CFAP69: variants seen among roughly 807,000 people sequenced by gnomAD.
CFAP69 encodes the protein cilia and flagella associated protein 69, also known as cilia- and flagella-associated protein 69.
A neutral mutation model predicts 123.0 loss-of-function variants in CFAP69; 92 were observed. The ratio of observed to expected loss-of-function variants is 0.75; its 90% CI spans 0.63 to 0.89. The LOEUF is 0.89. Among genes scored for constraint, CFAP69 ranks in the 40% least tolerant of loss-of-function variants. CFAP69 has a pLI of 0.00. For missense variants in CFAP69, 1,067 were observed against 1,096.9 expected (o/e 0.97, Z 0.39); for synonymous variants, 380 against 364.3 (o/e 1.04, Z -0.49).
chr7:90,303,550 T>G (rs1793120674), intron 17 of CFAP69: 1 of 957,972 alleles, frequency 1.0e-6, no homozygotes, highest in Non-Finnish European at 1.2e-6. Flanking sequence ...CAATCCATTT[T>G]TATTGTTTCT....
chr7:90,245,269 GC>G lies in CFAP69; in HGVS notation c.-154del. On this transcript the variant is annotated 5_prime_UTR_variant, in exon 1 of 23. The change abolishes the stop of an existing upstream ORF in the 5' untranslated region. Coordinates refer to ENST00000389297, the MANE Select transcript of CFAP69 (RefSeq NM_001039706.3). ...GCGCTAAGCGGACTGTATGGCGGTG[GC>G]CTAGGCCCCTGGCGGAATTTTGGGA... 9.9e-7 allele frequency: 1 copy of G among 1,014,028 alleles called. No individual in the cohort carries two copies. Among genetic ancestry groups the G allele is most frequent in the South Asian group, 2.1e-5 (1 of 48,512 alleles). The allele number at this position is 1,014,028 out of a possible 1,614,324, so 62.8% of individuals were successfully genotyped here. A position where few individuals can be genotyped will look rare whatever the true frequency, so the allele number is the denominator to read the frequency against.
intron 15 of CFAP69, among the ~76,000 whole-genome samples, chr7:90,292,375 T>C (rs1426522189): frequency 6.6e-6 from 1 of 152,186 alleles, no homozygotes; most frequent in East Asian, 1.9e-4. Context: ...ATACAGAGAC[T>C]GTGTAGACAA....
At chr7:90,245,594 T>G in intron 1 of CFAP69, 50 bp downstream of exon 1, 2 of 1,420,600 alleles carry the variant, frequency 1.4e-6, no homozygotes, top group Non-Finnish European at 1.8e-6. Context: ...GGGAGTGAAG[T>G]CTCGAGACGG....
downstream of CFAP69, among the ~76,000 whole-genome samples, chr7:90,314,930 A>G (rs1794649729): frequency 6.6e-6 from 1 of 151,056 alleles, no homozygotes; most frequent in Non-Finnish European, 1.5e-5. Flanking sequence ...GAAAAACATT[A>G]AAAAGTGGGC....
chr7:90,309,944 A>T, intron 22 of CFAP69, 124 bp from the exon 23 acceptor site: 1 of 722,950 alleles, frequency 1.4e-6, no homozygotes, highest in East Asian at 2.6e-5. Context: ...ATTATACCAT[A>T]ACTGCCTCCT....
chr7:90,277,882 A>G (rs1268363345), intron 11 of CFAP69, among the ~76,000 whole-genome samples: 1 of 152,080 alleles, frequency 6.6e-6, no homozygotes, highest in Non-Finnish European at 1.5e-5. Context: ...CCTACTAGCT[A>G]TGTGGCCTTA....
At chr7:90,273,604 A>G (rs1396356451) in intron 8 of CFAP69, among the ~76,000 whole-genome samples, 1 of 152,190 alleles carries the variant, frequency 6.6e-6, no homozygotes, top group Non-Finnish European at 1.5e-5. Context: ...TATTTTCATA[A>G]AAGTGTGTGT....
intron 1 of CFAP69, 114 bp from the exon 2 acceptor site, chr7:90,255,309 G>A (rs1797511338): frequency 1.3e-6 from 1 of 776,230 alleles, no homozygotes; most frequent in Admixed American, 2.2e-5. Flanking sequence ...CTATCGTAGT[G>A]TCATAAAACA....
At chr7:90,304,714 G>T in intron 18 of CFAP69, 30 bp from the exon 19 acceptor site, 1 of 1,590,622 alleles carries the variant, frequency 6.3e-7, no homozygotes. Context: ...CTCTGCTAAA[G>T]TAATTCTGTC....
chr7:90,248,987 G>A (rs893578217), intron 1 of CFAP69, among the ~76,000 whole-genome samples: 3 of 152,128 alleles, frequency 2.0e-5, no homozygotes, highest in Non-Finnish European at 2.9e-5. Context: ...CCCATAAATG[G>A]TAACTTTCTG....
At chr7:90,264,713 C>A (rs541366164) in intron 4 of CFAP69, among the ~76,000 whole-genome samples, 4 of 152,132 alleles carry the variant, frequency 2.6e-5, no homozygotes, top group African/African-American at 9.6e-5. Flanking sequence ...GCTTTCTTAA[C>A]CTATGCCTTT....
At chr7:90,250,226 GA>G (rs1796833912) in intron 1 of CFAP69, among the ~76,000 whole-genome samples, 1 of 120,682 alleles carries the variant, frequency 8.3e-6, no homozygotes, top group African/African-American at 3.0e-5. Context: ...GAGAGAGAGA[GA>G]GAGAGAGACT....
intron 11 of CFAP69, among the ~76,000 whole-genome samples, chr7:90,278,158 T>C (rs915147134): frequency 6.6e-6 from 1 of 152,132 alleles, no homozygotes; most frequent in Non-Finnish European, 1.5e-5. Context: ...CTACCAATAA[T>C]AGAAAGATGG....
At chr7:90,251,349 C>T (rs1057163927) in intron 1 of CFAP69, among the ~76,000 whole-genome samples, 2 of 152,102 alleles carry the variant, frequency 1.3e-5, no homozygotes, top group Admixed American at 6.5e-5. Flanking sequence ...GTAGGGTATC[C>T]TCTGTGATTG....
intron 3 of CFAP69, among the ~76,000 whole-genome samples, chr7:90,260,919 CA>C (rs1562848791): frequency 1.3e-5 from 2 of 152,060 alleles, no homozygotes; most frequent in African/African-American, 4.8e-5. Flanking sequence ...AGGAAGTTAA[CA>C]GAGCTTTCTA....
chr7:90,256,134 G>A (rs1332877493), intron 2 of CFAP69, among the ~76,000 whole-genome samples: 2 of 152,078 alleles, frequency 1.3e-5, no homozygotes, highest in Non-Finnish European at 1.5e-5. Flanking sequence ...GACCACAAAT[G>A]CCCATCAATG....
At chr7:90,314,338 A>G (rs550132107), downstream of CFAP69, among the ~76,000 whole-genome samples, 131 of 152,268 alleles carry the variant, frequency 8.6e-4, no homozygotes, top group Non-Finnish European at 4.4e-4. Flanking sequence ...AAGAATAAAC[A>G]TGGGGCCAGG....
At chr7:90,262,958 T>G (rs150095597) in intron 4 of CFAP69, among the ~76,000 whole-genome samples, 1 of 152,230 alleles carries the variant, frequency 6.6e-6, no homozygotes, top group African/African-American at 2.4e-5. Context: ...ATGCCTTGCT[T>G]TTTAATAGAC....
intron 21 of CFAP69, 93 bp downstream of exon 21, chr7:90,307,947 A>G: frequency 1.3e-6 from 1 of 777,858 alleles, no homozygotes; most frequent in South Asian, 1.8e-5. Context: ...ATTTTTTCCT[A>G]GTGACCTTTC....
Sources: gnomAD v4.1 joint callset for allele counts (sites outside exome capture counted in the v4.1 genomes callset) on GRCh38, gnomAD v4.1.1 for gene constraint, MANE v1.5 for transcripts, NCBI Gene and HGNC (gene_info 2026-07-23, HGNC 2026-07-21) for gene names.